Variants in CDH13 observed in about 807,000 individuals in gnomAD.
CDH13 encodes the protein cadherin 13.
In CDH13, 24 loss-of-function variants were observed where a neutral mutation model predicts 63.8. The ratio of observed to expected loss-of-function variants is 0.38; its 90% CI spans 0.27 to 0.53. The LOEUF is 0.53. Among genes scored for constraint, CDH13 ranks in the 20% least tolerant of loss-of-function variants. The pLI is 0.85. For synonymous variants in CDH13, 503 were observed against 355.3 expected (o/e 1.42, Z -4.67); for missense variants, 1,049 against 903.1 (o/e 1.16, Z -2.07).
chr16:83,163,130 T>A (rs537452402), intron 4 of CDH13, among the ~76,000 whole-genome samples: 1 of 152,270 alleles, frequency 6.6e-6, no homozygotes, highest in African/African-American at 2.4e-5. Context: ...TTCTCTTCTC[T>A]TATCTGCCAC....
chr16:82,969,718 C>G (rs544323677), intron 2 of CDH13, among the ~76,000 whole-genome samples: 118 of 152,110 alleles, frequency 7.8e-4, no homozygotes, highest in African/African-American at 2.4e-3. Context: ...TAAAATTACC[C>G]CTGGTTGAGG....
At chr16:82,653,520 A>C (rs1910967663) in intron 1 of CDH13, among the ~76,000 whole-genome samples, 1 of 152,172 alleles carries the variant, frequency 6.6e-6, no homozygotes, top group African/African-American at 2.4e-5. Context: ...ATGTACCTGC[A>C]CAAAGCCAGC....
intron 1 of CDH13, among the ~76,000 whole-genome samples, chr16:82,765,574 G>T (rs933472852): frequency 1.3e-5 from 2 of 152,054 alleles, no homozygotes; most frequent in Admixed American, 6.6e-5. Flanking sequence ...ATTGTGCACG[G>T]GTATTTATGA....
At chr16:83,286,632 G>T (rs2089321268) in intron 5 of CDH13, among the ~76,000 whole-genome samples, 1 of 151,708 alleles carries the variant, frequency 6.6e-6, no homozygotes, top group African/African-American at 2.4e-5. Flanking sequence ...AGCATGCGCT[G>T]GTAGTCCCAG....
At chr16:83,693,932 T>G (rs969364712) in intron 10 of CDH13, among the ~76,000 whole-genome samples, 1 of 152,194 alleles carries the variant, frequency 6.6e-6, no homozygotes, top group Non-Finnish European at 1.5e-5. Flanking sequence ...ATGTTTGAAG[T>G]GAAATGAATC....
At chr16:83,467,670 C>A (rs996931302) in intron 6 of CDH13, among the ~76,000 whole-genome samples, 1 of 152,124 alleles carries the variant, frequency 6.6e-6, no homozygotes, top group Non-Finnish European at 1.5e-5. Flanking sequence ...CAATGCTGTT[C>A]CTTCTGCCCT....
At chr16:83,043,619 G>C (rs1040379536) in intron 3 of CDH13, among the ~76,000 whole-genome samples, 1 of 151,888 alleles carries the variant, frequency 6.6e-6, no homozygotes, top group Non-Finnish European at 1.5e-5. Context: ...AGCACTTTAA[G>C]AGGCCAAGGC....
chr16:83,558,252 T>C lies in CDH13; in HGVS notation c.961-44202T>C, dbSNP rs563468195. Among the ~76,000 whole-genome samples, 20 of 152,282 alleles carry C rather than the reference T, an allele frequency of 1.3e-4. No individual in the cohort carries two copies. The South Asian group carries it at 3.7e-3, about 28-fold the overall frequency. On this transcript the variant is annotated intron_variant, in intron 7 of 13. Coordinates refer to ENST00000567109, the MANE Select transcript of CDH13 (RefSeq NM_001257.5). Reference sequence around the variant, plus strand: ...CATTGTTTATTGGGATGTTCGCAGGTTGTAGTGGTAAGATTGGATCAGCGC... The same window carrying C: ...CATTGTTTATTGGGATGTTCGCAGGCTGTAGTGGTAAGATTGGATCAGCGC...
intron 1 of CDH13, among the ~76,000 whole-genome samples, chr16:82,831,593 C>T (rs1029181229): frequency 6.6e-6 from 1 of 152,104 alleles, no homozygotes; most frequent in African/African-American, 2.4e-5. Flanking sequence ...GACCACACTA[C>T]CCGAAGAGAA....
At chr16:83,774,340 A>G (rs928722997) in intron 11 of CDH13, among the ~76,000 whole-genome samples, 4 of 152,010 alleles carry the variant, frequency 2.6e-5, no homozygotes, top group African/African-American at 9.7e-5. Context: ...TAAGAATCTC[A>G]AATACATTTA....
At chr16:83,654,899 C>T (rs1912723598) in intron 8 of CDH13, 1 of 152,280 alleles carries the variant, frequency 6.6e-6, no homozygotes, top group East Asian at 1.9e-4. Flanking sequence ...GGTACTACTC[C>T]TCCAGGCGGG....
At chr16:83,225,296 T>A (rs569550928) in intron 5 of CDH13, among the ~76,000 whole-genome samples, 1 of 152,330 alleles carries the variant, frequency 6.6e-6, no homozygotes, top group South Asian at 2.1e-4. Context: ...GGGTAACATG[T>A]GCCTCAACTG....
At chr16:82,910,232 G>C (rs1401576393) in intron 2 of CDH13, among the ~76,000 whole-genome samples, 1 of 152,180 alleles carries the variant, frequency 6.6e-6, no homozygotes, top group East Asian at 1.9e-4. Context: ...ACATCATGCA[G>C]ACTTTGGAAC....
chr16:83,514,693 C>A (rs2074660522), intron 7 of CDH13, among the ~76,000 whole-genome samples: 2 of 152,072 alleles, frequency 1.3e-5, no homozygotes, highest in South Asian at 4.2e-4. Flanking sequence ...CACAGAAGAT[C>A]CAGGAGAGAA....
intron 3 of CDH13, among the ~76,000 whole-genome samples, chr16:83,082,222 C>G (rs975992281): frequency 1.3e-5 from 2 of 152,202 alleles, no homozygotes; most frequent in Non-Finnish European, 1.5e-5. Context: ...TGCCCTCTCC[C>G]CACACATTTA....
chr16:82,646,228 C>G (rs921826836), intron 1 of CDH13: 1 of 152,266 alleles, frequency 6.6e-6, no homozygotes, highest in Non-Finnish European at 1.5e-5. Flanking sequence ...CTCGCTCTTT[C>G]ACCCAGGCTG....
intron 2 of CDH13, among the ~76,000 whole-genome samples, chr16:82,964,718 G>A (rs963227905): frequency 2.0e-5 from 3 of 152,122 alleles, no homozygotes; most frequent in African/African-American, 7.2e-5. Context: ...TTTAGAAGCT[G>A]TGCATTTTAA....
intron 1 of CDH13, among the ~76,000 whole-genome samples, chr16:82,814,913 G>C (rs1023725321): frequency 1.3e-5 from 2 of 152,074 alleles, no homozygotes; most frequent in African/African-American, 2.4e-5. Flanking sequence ...TTACCCGCTG[G>C]TGTCCACTGA....
intron 7 of CDH13, among the ~76,000 whole-genome samples, chr16:83,506,353 C>T (rs2074394012): frequency 1.3e-5 from 2 of 152,140 alleles, no homozygotes; most frequent in Admixed American, 1.3e-4. Context: ...TATGAATGCT[C>T]CTGACTCCTG....
Sources: gnomAD v4.1 joint callset for allele counts (sites outside exome capture counted in the v4.1 genomes callset) on GRCh38, gnomAD v4.1.1 for gene constraint, MANE v1.5 for transcripts, NCBI Gene and HGNC (gene_info 2026-07-23, HGNC 2026-07-21) for gene names.